The following BTBD10 variants were observed in gnomAD, a reference collection of about 807,000 sequenced individuals.
BTBD10 encodes the protein BTB/POZ domain-containing protein 10.
A neutral mutation model predicts 53.2 loss-of-function variants in BTBD10; 21 were observed. The ratio of observed to expected loss-of-function variants is 0.39; its 90% CI spans 0.28 to 0.57. The LOEUF is 0.57. BTBD10 is among the 20% of genes least tolerant of loss of function. The pLI is 0.53. For synonymous variants in BTBD10, 149 were observed against 192.7 expected (o/e 0.77, Z 1.88); for missense variants, 360 against 594.7 (o/e 0.61, Z 4.10).
intron 2 of BTBD10, among the ~76,000 whole-genome samples, chr11:13,437,796 A>G (rs1950570739): frequency 6.6e-6 from 1 of 152,106 alleles, no homozygotes; most frequent in South Asian, 2.1e-4. Flanking sequence ...AAAATCTCCT[A>G]CCTGCTTCAA....
chr11:13,390,572 G>A (rs1949382006), intron 8 of BTBD10, among the ~76,000 whole-genome samples: 1 of 152,092 alleles, frequency 6.6e-6, no homozygotes, highest in Admixed American at 6.6e-5. Flanking sequence ...TCAAACTCCC[G>A]ACCTCCAGTG....
intron 1 of BTBD10, among the ~76,000 whole-genome samples, chr11:13,454,155 T>G (rs1433514628): frequency 1.3e-5 from 2 of 152,202 alleles, no homozygotes; most frequent in Admixed American, 1.3e-4. Context: ...TTATAAGCAG[T>G]CTTTAACTTT....
chr11:13,428,557 T>C (rs1950389714), intron 2 of BTBD10, among the ~76,000 whole-genome samples: 1 of 151,722 alleles, frequency 6.6e-6, no homozygotes, highest in African/African-American at 2.4e-5. Context: ...AATTAGAAAA[T>C]TTTGAACTAA....
chr11:13,419,784 T>C (rs1219074680), intron 3 of BTBD10, 39 bp from the exon 4 acceptor site: 2 of 1,450,542 alleles, frequency 1.4e-6, no homozygotes. Flanking sequence ...GCAAATTTTC[T>C]TTTACAAATT....
At chr11:13,400,669 C>T (rs541146416) in intron 8 of BTBD10, among the ~76,000 whole-genome samples, 6 of 142,962 alleles carry the variant, frequency 4.2e-5, no homozygotes, top group Admixed American at 2.2e-4. Context: ...GGAGCTGTTC[C>T]TATTCGGCCA....
chr11:13,433,978 A>T (rs1420765479), intron 2 of BTBD10, among the ~76,000 whole-genome samples: 2 of 152,216 alleles, frequency 1.3e-5, no homozygotes, highest in Non-Finnish European at 2.9e-5. Flanking sequence ...ATGCTTAATT[A>T]TGGAAAAGGG....
intron 2 of BTBD10, among the ~76,000 whole-genome samples, chr11:13,442,518 T>C (rs542468083): frequency 9.1e-4 from 139 of 152,276 alleles, no homozygotes; most frequent in African/African-American, 3.2e-3. Context: ...GAGCTCCAAC[T>C]TCAGATCCAG....
chr11:13,439,777 G>T, intron 2 of BTBD10: 2 of 858,488 alleles, frequency 2.3e-6, no homozygotes, highest in Non-Finnish European at 3.3e-6. Flanking sequence ...TCATGTAAAT[G>T]ATCATAATGA....
intron 5 of BTBD10, 44 bp downstream of exon 5, chr11:13,417,114 G>A (rs2135814306): frequency 7.1e-7 from 1 of 1,417,950 alleles, no homozygotes; most frequent in East Asian, 2.3e-5. Flanking sequence ...GTACCTCCAA[G>A]AAGGCGTCTT....
intron 2 of BTBD10, chr11:13,440,291 G>C: frequency 8.6e-7 from 1 of 1,167,016 alleles, no homozygotes; most frequent in South Asian, 1.9e-5. Flanking sequence ...AGCTGTGATC[G>C]TCCCATTTCT....
chr11:13,431,706 A>G (rs1950450917), intron 2 of BTBD10, among the ~76,000 whole-genome samples: 1 of 152,116 alleles, frequency 6.6e-6, no homozygotes, highest in Non-Finnish European at 1.5e-5. Context: ...GTAGAAGCAA[A>G]TATCTATTCA....
chr11:13,404,461 G>T, intron 7 of BTBD10: 2 of 212,270 alleles, frequency 9.4e-6, no homozygotes, highest in Non-Finnish European at 1.6e-5. Context: ...TATCTTCTAT[G>T]GTTGACTGTA....
intron 8 of BTBD10, among the ~76,000 whole-genome samples, chr11:13,402,362 A>G (rs1949732254): frequency 1.3e-5 from 2 of 152,210 alleles, no homozygotes; most frequent in African/African-American, 4.8e-5. Flanking sequence ...TGTTTTTCAT[A>G]TATTAATTCA....
rs144648049 is a variant in BTBD10 at position 13,388,786 on chromosome 11, G to A, written c.*45C>T. On this transcript the variant is annotated 3_prime_UTR_variant, in exon 9 of 9. Coordinates refer to ENST00000278174, the MANE Select transcript of BTBD10 (RefSeq NM_032320.7). ...CAGTGCAGAATGAGGAGAGTACAAC[G>A]TCACTGTGAAGAGTAGCATGCTATG... 8 of 1,559,138 alleles carry A rather than the reference G, an allele frequency of 5.1e-6. No homozygotes were observed. The highest frequency in any genetic ancestry group is 5.1e-5 in the Admixed American group (3 of 58,560).
intron 2 of BTBD10, among the ~76,000 whole-genome samples, chr11:13,439,260 A>G (rs1950602714): frequency 6.6e-6 from 1 of 152,056 alleles, no homozygotes; most frequent in South Asian, 2.1e-4. Flanking sequence ...AAGATTTAAA[A>G]TCTCACAGGA....
chr11:13,454,753 T>G (rs1246690865), intron 1 of BTBD10, among the ~76,000 whole-genome samples: 3 of 146,420 alleles, frequency 2.0e-5, no homozygotes, highest in Non-Finnish European at 4.6e-5. Context: ...TAAAATAAAA[T>G]TTATTTATTC....
intron 8 of BTBD10, among the ~76,000 whole-genome samples, chr11:13,398,975 A>G (rs548644509): frequency 6.6e-6 from 1 of 152,012 alleles, no homozygotes; most frequent in Non-Finnish European, 1.5e-5. Flanking sequence ...TGCCCTTAAC[A>G]TTTTTTCCTT....
At chr11:13,411,157 G>T (rs888838206) in intron 6 of BTBD10, among the ~76,000 whole-genome samples, 1 of 152,158 alleles carries the variant, frequency 6.6e-6, no homozygotes, top group African/African-American at 2.4e-5. Context: ...ACATTTTGTT[G>T]AGTCCTTAGG....
At chr11:13,410,532 G>T (rs999217100) in intron 6 of BTBD10, among the ~76,000 whole-genome samples, 1 of 152,072 alleles carries the variant, frequency 6.6e-6, no homozygotes, top group Non-Finnish European at 1.5e-5. Flanking sequence ...CCCACGTCCA[G>T]GGAAATGCCT....
Sources: allele counts gnomAD v4.1 joint callset (sites outside exome capture counted in the v4.1 genomes callset), GRCh38; gene constraint gnomAD v4.1.1; transcripts MANE v1.5; gene names NCBI Gene and HGNC (gene_info 2026-07-23, HGNC 2026-07-21).